Variants in CCBE1 observed in about 807,000 individuals in gnomAD.
CCBE1 encodes collagen and calcium binding EGF domains 1.
CCBE1 carries 37 observed loss-of-function variants against 50.0 expected under a neutral mutation model. The observed-to-expected ratio is 0.74, with a 90% CI of 0.57 to 0.97. The LOEUF (loss-of-function observed/expected upper bound fraction) is 0.97. CCBE1 is among the 50% of genes least tolerant of loss of function. The pLI is 0.00. For synonymous variants in CCBE1, 234 were observed against 203.7 expected (o/e 1.15, Z -1.27); for missense variants, 538 against 523.8 (o/e 1.03, Z -0.26).
rs772786164 is a variant in CCBE1 at position 59,469,517 on chromosome 18, T to A, written c.356A>T (p.Tyr119Phe). 30 of 1,614,200 alleles carry A rather than the reference T, an allele frequency of 1.9e-5. No individual in the cohort carries two copies. The South Asian group carries it at 3.3e-4, about 18-fold the overall frequency. ...CCGCTTCCGGTGTCTCTCCCGGTCA[T>A]ATCGGTATCCCGGATAACAAGTACA... is the stretch of plus-strand genomic sequence containing the variant. ...VLCTCYPGYR[Y>F]DRERHRKREK... Residue 119 changes from tyrosine to phenylalanine, a missense_variant, in exon 4 of 11, where the codon TAT (tyrosine) becomes TTT (phenylalanine). Transcript: ENST00000439986.
intron 2 of CCBE1, among the ~76,000 whole-genome samples, chr18:59,619,921 T>C (rs1313203779): frequency 1.3e-5 from 2 of 152,150 alleles, no homozygotes; most frequent in African/African-American, 4.8e-5. Flanking sequence ...CCTCAATTCT[T>C]CCAACACAAG....
At chr18:59,596,915 G>C in intron 2 of CCBE1, among the ~76,000 whole-genome samples, 1 of 152,230 alleles carries the variant, frequency 6.6e-6, no homozygotes, top group East Asian at 1.9e-4. Flanking sequence ...AGGAGAACAT[G>C]TGGATGGCTA....
At chr18:59,523,867 G>A (rs1394075302) in intron 2 of CCBE1, among the ~76,000 whole-genome samples, 1 of 152,128 alleles carries the variant, frequency 6.6e-6, no homozygotes. Flanking sequence ...CTTCTGCATT[G>A]GTGATGTGAT....
At chr18:59,491,448 C>A (rs750803036) in intron 2 of CCBE1, among the ~76,000 whole-genome samples, 5 of 152,098 alleles carry the variant, frequency 3.3e-5, no homozygotes, top group Admixed American at 6.5e-5. Flanking sequence ...CCTGTATTTT[C>A]TAAGTTTGTT....
At position 59,692,473 on chromosome 18, in the gene CCBE1, T is replaced by C. The variant is rs115729394; in HGVS notation, c.212+4156A>G. ...ATATTATTTTATATGTGTTTTGACA[T>C]TATCGAAGCCCACTCCCCCGCCATG... On this transcript the variant is annotated intron_variant, in intron 2 of 10. Transcript: ENST00000439986. Among the ~76,000 whole-genome samples, 1,181 of 152,194 alleles carry C rather than the reference T, an allele frequency of 7.8e-3. 9 individuals carry two copies. Among genetic ancestry groups the C allele is most frequent in the African/African-American group, 0.024 (998 of 41,478 alleles).
chr18:59,508,335 C>T (rs1483716994), intron 2 of CCBE1, among the ~76,000 whole-genome samples: 1 of 151,914 alleles, frequency 6.6e-6, no homozygotes, highest in Non-Finnish European at 1.5e-5. Flanking sequence ...TGGTGGCTCA[C>T]GCCTGTAATC....
intron 2 of CCBE1, among the ~76,000 whole-genome samples, chr18:59,618,861 T>A (rs1346212839): frequency 2.0e-5 from 3 of 152,124 alleles, no homozygotes; most frequent in Non-Finnish European, 2.9e-5. Context: ...ATAACTATAA[T>A]TATTGGAGGC....
At chr18:59,555,352 C>T (rs1316661061) in intron 2 of CCBE1, among the ~76,000 whole-genome samples, 1 of 152,198 alleles carries the variant, frequency 6.6e-6, no homozygotes, top group African/African-American at 2.4e-5. Context: ...GGCTATGAAA[C>T]TGCCCCAAGA....
rs3133204 is a variant in CCBE1, at chr18:59,547,067, G to A, written c.213-66829C>T. Among the ~76,000 whole-genome samples the A allele has an allele frequency of 9.6e-4, 100 of 104,264 alleles. 4 individuals are homozygous for A. Among genetic ancestry groups the A allele is most frequent in the African/African-American group, 3.3e-3 (81 of 24,844 alleles). The allele number at this position is 104,264 out of a possible 152,430, so 68.4% of individuals were successfully genotyped here. A position where few individuals can be genotyped will look rare whatever the true frequency, so the allele number is the denominator to read the frequency against. Reference sequence around the variant, plus strand: ...GGGGAGAGAGGGGGAGAGAGGGGGAGAGAGGGGGAGAGAAAGGGAGAGAGA... The same window carrying A: ...GGGGAGAGAGGGGGAGAGAGGGGGAAAGAGGGGGAGAGAAAGGGAGAGAGA... On this transcript the variant is annotated intron_variant, in intron 2 of 10. Transcript: ENST00000439986.
intron 4 of CCBE1, among the ~76,000 whole-genome samples, chr18:59,468,837 GTTTT>G (rs57118468): frequency 3.5e-4 from 44 of 124,076 alleles, no homozygotes; most frequent in African/African-American, 1.2e-3. Context: ...AAAAGGCCAG[GTTTT>G]TTTTTTTTTT....
intron 7 of CCBE1, among the ~76,000 whole-genome samples, chr18:59,446,115 CCATT>C (rs1910656417): frequency 6.6e-6 from 1 of 152,204 alleles, no homozygotes; most frequent in Non-Finnish European, 1.5e-5. Flanking sequence ...TGGAATGTCC[CCATT>C]CAAAGGCCGG....
intron 2 of CCBE1, among the ~76,000 whole-genome samples, chr18:59,507,012 G>T (rs1040361842): frequency 6.6e-6 from 1 of 152,008 alleles, no homozygotes; most frequent in African/African-American, 2.4e-5. Flanking sequence ...CAGCCTTCAT[G>T]GTGGCATTTA....
At chr18:59,475,003 GCCT>G (rs1244861918) in intron 3 of CCBE1, among the ~76,000 whole-genome samples, 2 of 152,060 alleles carry the variant, frequency 1.3e-5, no homozygotes, top group Non-Finnish European at 2.9e-5. Context: ...AATCTTTCCA[GCCT>G]CCTCCTCCTG....
intron 2 of CCBE1, among the ~76,000 whole-genome samples, chr18:59,568,867 G>A (rs952013254): frequency 6.6e-6 from 1 of 152,182 alleles, no homozygotes; most frequent in Admixed American, 6.5e-5. Context: ...TGATTCACAC[G>A]TAAAGGACAT....
intron 2 of CCBE1, among the ~76,000 whole-genome samples, chr18:59,507,191 A>G (rs549077364): frequency 4.9e-4 from 75 of 152,232 alleles, no homozygotes; most frequent in Non-Finnish European, 6.5e-4. Context: ...CCTCCTTGCA[A>G]TTGCTCATCT....
intron 2 of CCBE1, among the ~76,000 whole-genome samples, chr18:59,595,938 T>C (rs2053344304): frequency 1.3e-5 from 2 of 152,260 alleles, no homozygotes; most frequent in African/African-American, 4.8e-5. Context: ...TGAATGATGA[T>C]GTGCAGACTT....
chr18:59,539,804 C>T (rs1348600766), intron 2 of CCBE1, among the ~76,000 whole-genome samples: 12 of 152,176 alleles, frequency 7.9e-5, no homozygotes, highest in Admixed American at 6.5e-4. Context: ...TAAGAATCAA[C>T]CAAAATTTTC....
intron 7 of CCBE1, among the ~76,000 whole-genome samples, chr18:59,443,679 G>C (rs1390716751): frequency 6.6e-6 from 1 of 152,028 alleles, no homozygotes; most frequent in Non-Finnish European, 1.5e-5. Context: ...ATGTTGGCCA[G>C]GCTAGTCTTG....
chr18:59,657,809 C>T (rs999053615), intron 2 of CCBE1, among the ~76,000 whole-genome samples: 2 of 152,064 alleles, frequency 1.3e-5, no homozygotes, highest in Non-Finnish European at 2.9e-5. Flanking sequence ...AGAAATCGCT[C>T]GAACCCGGGA....
Sources: allele counts gnomAD v4.1 joint callset (sites outside exome capture counted in the v4.1 genomes callset), GRCh38; gene constraint gnomAD v4.1.1; transcripts MANE v1.5; gene names NCBI Gene and HGNC (gene_info 2026-07-23, HGNC 2026-07-21).